Variants in GRM8 observed in about 807,000 individuals in gnomAD.
The protein encoded by GRM8 is metabotropic glutamate receptor 8.
GRM8 carries 47 observed loss-of-function variants against 87.2 expected under a neutral mutation model. The observed-to-expected ratio is 0.54, with a 90% CI of 0.43 to 0.69. GRM8 has a LOEUF of 0.69. GRM8 is among the 30% of genes least tolerant of loss of function. The pLI is 0.00. For missense variants in GRM8, 1,019 were observed against 1,139.2 expected (o/e 0.89, Z 1.52); for synonymous variants, 396 against 404.5 (o/e 0.98, Z 0.25).
chr7:126,699,834 C>G (rs553911496), intron 7 of GRM8, among the ~76,000 whole-genome samples: 146 of 152,216 alleles, frequency 9.6e-4, no homozygotes, highest in Admixed American at 2.9e-3. Context: ...TCTCCAGTTG[C>G]AATGCACATT....
chr7:127,168,211 T>C (rs1056617038), intron 2 of GRM8, among the ~76,000 whole-genome samples: 8 of 152,146 alleles, frequency 5.3e-5, no homozygotes, highest in East Asian at 1.9e-4. Flanking sequence ...GAACAGACAC[T>C]TCTCAAAAGA....
In GRM8 at chr7:126,478,241, A is replaced by AT. The variant is rs1806234823; in HGVS notation, c.2431-31870dup. On this transcript the variant is annotated intron_variant, in intron 9 of 10. Transcript: ENST00000339582. ...CCTTGCTTTATCCTTTCTTGCCTAA[A>AT]TTAATTTTCTTTTCTTTGTTCTGAA... Among the ~76,000 whole-genome samples the AT allele has an allele frequency of 2.6e-5, 4 of 152,240 alleles. No individual in the cohort carries two copies. The South Asian group carries it at 8.3e-4, about 32-fold the overall frequency.
intron 2 of GRM8, among the ~76,000 whole-genome samples, chr7:127,121,195 C>T (rs886828959): frequency 5.3e-5 from 8 of 152,148 alleles, no homozygotes; most frequent in Non-Finnish European, 1.5e-5. Flanking sequence ...TTTTCCTTTG[C>T]GCCCTCTACA....
chr7:126,485,193 A>C (rs1807210533), intron 9 of GRM8, among the ~76,000 whole-genome samples: 1 of 152,100 alleles, frequency 6.6e-6, no homozygotes, highest in African/African-American at 2.4e-5. Context: ...TGTCCTGAAG[A>C]AGCTTACTAG....
At chr7:126,483,830 T>C (rs987503373) in intron 9 of GRM8, among the ~76,000 whole-genome samples, 4 of 139,012 alleles carry the variant, frequency 2.9e-5, no homozygotes, top group Non-Finnish European at 6.1e-5. Context: ...AGAGATTTTA[T>C]GATCTACTGA....
At chr7:126,562,420 T>C (rs1397801327) in intron 8 of GRM8, among the ~76,000 whole-genome samples, 15 of 152,186 alleles carry the variant, frequency 9.9e-5, no homozygotes, top group Admixed American at 3.3e-4. Context: ...TGAGTCTTAA[T>C]TAACAAGGGA....
At chr7:126,679,707 C>A (rs959724963) in intron 7 of GRM8, among the ~76,000 whole-genome samples, 1 of 152,110 alleles carries the variant, frequency 6.6e-6, no homozygotes, top group African/African-American at 2.4e-5. Flanking sequence ...GATGCAAGGG[C>A]TATTTTTCTC....
chr7:126,668,189 A>AC (rs1805995992), intron 7 of GRM8, among the ~76,000 whole-genome samples: 1 of 151,578 alleles, frequency 6.6e-6, no homozygotes, highest in Admixed American at 6.6e-5. Context: ...GTCCCTGTTT[A>AC]CCCCCCTTTC....
At chr7:126,716,083 G>T (rs1216399158) in intron 7 of GRM8, among the ~76,000 whole-genome samples, 1 of 152,104 alleles carries the variant, frequency 6.6e-6, no homozygotes, top group African/African-American at 2.4e-5. Context: ...CAGACATATA[G>T]TAAGTGCTTA....
At chr7:126,560,607 T>A (rs2150957087) in intron 8 of GRM8, among the ~76,000 whole-genome samples, 1 of 152,280 alleles carries the variant, frequency 6.6e-6, no homozygotes, top group African/African-American at 2.4e-5. Flanking sequence ...GCATGGTAAA[T>A]AGGCCTTATA....
chr7:127,146,030 T>C (rs920374607), intron 2 of GRM8, among the ~76,000 whole-genome samples: 28 of 152,140 alleles, frequency 1.8e-4, no homozygotes, highest in African/African-American at 6.0e-4. Context: ...TAGAGGATGC[T>C]CTGGGCCTCT....
At chr7:126,915,798 G>T (rs966095423) in intron 3 of GRM8, among the ~76,000 whole-genome samples, 1 of 152,138 alleles carries the variant, frequency 6.6e-6, no homozygotes, top group Non-Finnish European at 1.5e-5. Context: ...CAGTCCAGAG[G>T]TATCTATGGA....
intron 7 of GRM8, among the ~76,000 whole-genome samples, chr7:126,739,499 T>C (rs1371661602): frequency 6.6e-6 from 1 of 152,066 alleles, no homozygotes; most frequent in African/African-American, 2.4e-5. Flanking sequence ...CTTAGCATCT[T>C]ACATCTTTGA....
chr7:126,835,081 A>T (rs1586136020), intron 6 of GRM8, among the ~76,000 whole-genome samples: 2 of 121,140 alleles, frequency 1.7e-5, no homozygotes, highest in African/African-American at 5.7e-5. Flanking sequence ...ATCTCAAAAA[A>T]AAAATAAAAA....
At chr7:126,598,384 T>C (rs1427065852) in intron 8 of GRM8, among the ~76,000 whole-genome samples, 2 of 152,118 alleles carry the variant, frequency 1.3e-5, no homozygotes, top group Non-Finnish European at 2.9e-5. Context: ...AGATTTGGTA[T>C]GGCATAGTTT....
chr7:126,668,730 CT>C (rs376421473), intron 7 of GRM8, among the ~76,000 whole-genome samples: 10 of 152,146 alleles, frequency 6.6e-5, no homozygotes, highest in African/African-American at 1.4e-4. Flanking sequence ...TTAAACTGTT[CT>C]TTTTTCTTTC....
intron 3 of GRM8, among the ~76,000 whole-genome samples, chr7:126,922,175 C>T (rs1435828952): frequency 6.6e-6 from 1 of 152,034 alleles, no homozygotes; most frequent in Non-Finnish European, 1.5e-5. Flanking sequence ...TGATTAATTT[C>T]AGGAAAAACA....
At chr7:127,050,700 C>T (rs979119873) in intron 3 of GRM8, among the ~76,000 whole-genome samples, 4 of 152,186 alleles carry the variant, frequency 2.6e-5, no homozygotes, top group African/African-American at 9.7e-5. Context: ...ATCAAAGACA[C>T]ATTCTGATAA....
chr7:126,621,682 G>A (rs1191200094), intron 7 of GRM8, among the ~76,000 whole-genome samples: 2 of 151,714 alleles, frequency 1.3e-5, no homozygotes, highest in African/African-American at 2.4e-5. Flanking sequence ...GCCTCCCAAA[G>A]TGCTGGGATT....
Sources: gnomAD v4.1 joint callset for allele counts (sites outside exome capture counted in the v4.1 genomes callset) on GRCh38, gnomAD v4.1.1 for gene constraint, MANE v1.5 for transcripts, NCBI Gene and HGNC (gene_info 2026-07-23, HGNC 2026-07-21) for gene names.